PYCR3: variants seen among roughly 807,000 people sequenced by gnomAD.
The protein encoded by PYCR3 is pyrroline-5-carboxylate reductase 3.
Under a neutral mutation model 23.4 loss-of-function variants are expected in PYCR3, and 26 were observed. The ratio of observed to expected loss-of-function variants is 1.11; its 90% CI spans 0.81 to 1.54. The LOEUF is 1.54. Ranked by LOEUF, PYCR3 falls within the 40% of genes most tolerant of loss-of-function variation. The probability of loss-of-function intolerance (pLI) is 0.00; values close to 1 mark genes in which losing one functional copy is unlikely to be tolerated. For synonymous variants in PYCR3, 194 were observed against 162.6 expected (o/e 1.19, Z -1.47); for missense variants, 360 against 376.3 (o/e 0.96, Z 0.36).
rs1829488452 is a variant in PYCR3 at position 143,609,510 on chromosome 8, G to A, written c.39C>T (p.Phe13=). 6.6e-7 allele frequency: 1 copy of A among 1,516,490 alleles called. No homozygotes were observed. The highest frequency in any genetic ancestry group is 2.7e-5 in the East Asian group (1 of 37,506). The allele number at this position is 1,516,490 out of a possible 1,614,324, so 93.9% of individuals were successfully genotyped here. ...CCCCCGCCATGCGGCCCGCGCCCACGAAGCCCACGCGCCGCGGAGACGGCT... is the reference window on the plus strand; with the variant it reads ...CCCCCGCCATGCGGCCCGCGCCCACAAAGCCCACGCGCCGCGGAGACGGCT... ...AAEPSPRRVG[F]VGAGRMAGAI... is the part of the protein sequence containing the mutation. Residue 13 remains phenylalanine, a synonymous_variant, in exon 1 of 6, where the codon TTC becomes TTT. Transcript: ENST00000495276.
At chr8:143,606,891 C>T (rs1025697611) in intron 3 of PYCR3, 62 bp downstream of exon 3, 33 of 1,502,740 alleles carry the variant, frequency 2.2e-5, no homozygotes, top group Admixed American at 8.6e-5. Context: ...GGCTGCCTGC[C>T]GCCCAAGCCT....
intron 4 of PYCR3, 36 bp downstream of exon 4, chr8:143,606,431 G>A (rs546209996): frequency 1.1e-5 from 18 of 1,603,174 alleles, no homozygotes; most frequent in Middle Eastern, 2.0e-4. Flanking sequence ...CCTCTTTGCC[G>A]AGGGTGGGGC....
intron 2 of PYCR3, 85 bp downstream of exon 2, chr8:143,607,977 G>T: frequency 9.6e-7 from 1 of 1,036,740 alleles, no homozygotes. Flanking sequence ...ACCCATCCCT[G>T]GCTCTGATAA....
chr8:143,607,000 T>C lies in PYCR3; in HGVS notation c.289A>G (p.Ile97Val), dbSNP rs1371875378. ...EVAPVVTTEHILVSVAAGVSL... is the reference protein window; with the variant it reads ...EVAPVVTTEHVLVSVAAGVSL... Reference sequence around the variant, plus strand: ...ACCCCAGCAGCCACGGACACCAAGATGTGTTCAGTGGTGACCACAGGAGCC... The same window carrying C: ...ACCCCAGCAGCCACGGACACCAAGACGTGTTCAGTGGTGACCACAGGAGCC... Residue 97 changes from isoleucine to valine, a missense_variant, in exon 3 of 6, where the codon ATC becomes GTC. Physicochemically the swap from Ile to Val is conservative, Grantham distance 29 (BLOSUM62 3). Coordinates refer to ENST00000495276, the MANE Select transcript of PYCR3 (RefSeq NM_023078.6). 3.1e-6 allele frequency: 5 copies of C among 1,612,098 alleles called. No individual in the cohort carries two copies. Among genetic ancestry groups the C allele is most frequent in the Non-Finnish European group, 4.2e-6 (5 of 1,179,042 alleles).
At chr8:143,608,851 T>G in intron 1 of PYCR3, 1 of 456,694 alleles carries the variant, frequency 2.2e-6, no homozygotes, top group Middle Eastern at 3.3e-4. Flanking sequence ...CGATTGATCT[T>G]GACTCTTCTG....
chr8:143,606,929 G>T (rs1829417362), intron 3 of PYCR3, 24 bp downstream of exon 3: 1 of 1,568,982 alleles, frequency 6.4e-7, no homozygotes, highest in South Asian at 1.2e-5. Flanking sequence ...CTGGGACCAA[G>T]GCCTTAGCCC....
Position 143,606,531 on chromosome 8 carries a change from C to T in PYCR3, c.485G>A (p.Cys162Tyr), listed in dbSNP as rs760409256. 1.2e-6 allele frequency: 2 copies of T among 1,612,988 alleles called. No homozygotes were observed. Among genetic ancestry groups the T allele is most frequent in the Non-Finnish European group, 1.7e-6 (2 of 1,180,020 alleles). ...LQHLLEACGR[C>Y]EEVPEAYVDI... ...GACGTAGGCTTCAGGCACCTCCTCA[C>T]ACCGCCCACAGGCCTCCAGCAGATG... is the stretch of plus-strand genomic sequence containing the variant. The change falls in exon 4 of 6, where the codon TGT becomes TAT. Residue 162 changes from cysteine (C) to tyrosine (Y), a missense_variant. Cys to Tyr is a radical substitution (Grantham distance 194). Transcript: ENST00000495276.
In PYCR3 at chr8:143,609,559, C is replaced by A; in HGVS notation, c.-11G>T. ...CTCCGCAGCTGCCATCTTGTTGCCT[C>A]GGACGCCGCTGCGCTCACCGCCCAT... On this transcript the variant is annotated 5_prime_UTR_variant, in exon 1 of 6. Transcript: ENST00000495276. The A allele has an allele frequency of 1.3e-6, 2 of 1,499,002 alleles. No individual in the cohort carries two copies. Among genetic ancestry groups the A allele is most frequent in the Non-Finnish European group, 1.8e-6 (2 of 1,131,786 alleles). The allele number at this position is 1,499,002 out of a possible 1,614,324, so 92.9% of individuals were successfully genotyped here. A position where few individuals can be genotyped will look rare whatever the true frequency, so the allele number is the denominator to read the frequency against.
intron 2 of PYCR3, among the ~76,000 whole-genome samples, 200 bp from the exon 3 acceptor site, chr8:143,607,332 A>G (rs942341699): frequency 5.3e-5 from 8 of 152,080 alleles, no homozygotes; most frequent in Admixed American, 5.2e-4. Context: ...TCCTGATGTC[A>G]GCGCCTCCCC....
In PYCR3 at chr8:143,606,683, G is replaced by A. The variant is rs764742189; in HGVS notation, c.337-4C>T. Reference sequence around the variant, plus strand: ...CCCGTGTGTTTGGGGGCAGCAGCTGGCCAGAGAGAGGTCAGAATCAGGGAG... The same window carrying A: ...CCCGTGTGTTTGGGGGCAGCAGCTGACCAGAGAGAGGTCAGAATCAGGGAG... On this transcript the variant is annotated splice_region_variant and splice_polypyrimidine_tract_variant and intron_variant, in intron 3 of 5. Coordinates refer to ENST00000495276, the MANE Select transcript of PYCR3 (RefSeq NM_023078.6). 2 of 1,579,096 alleles carry A rather than the reference G, an allele frequency of 1.3e-6. No individual in the cohort carries two copies. Among genetic ancestry groups the A allele is most frequent in the South Asian group, 2.3e-5 (2 of 87,638 alleles).
chr8:143,605,641 G>A lies in PYCR3; in HGVS notation c.*59C>T, dbSNP rs1376107003. On this transcript the variant is annotated 3_prime_UTR_variant, in exon 6 of 6. Coordinates refer to ENST00000495276, the MANE Select transcript of PYCR3 (RefSeq NM_023078.6). ...GAGGGAGGGAGCCGCAGTCCTCAGG[G>A]GAAGGGACACAGGGAGAGGCAGGGG... 3.4e-6 allele frequency: 5 copies of A among 1,485,698 alleles called. No homozygotes were observed. In the African/African-American group the frequency reaches 6.9e-5, roughly 21 times the overall value. 92.0% of individuals were successfully genotyped at this position (1,485,698 alleles called of 1,614,324 possible).
rs112728801 is a variant in PYCR3 at position 143,604,574 on chromosome 8, C to A, written c.*1126G>T. 1.0e-2 allele frequency: 3,063 copies of A among 307,782 alleles called. 76 individuals are homozygous for A. Among genetic ancestry groups the A allele is most frequent in the African/African-American group, 0.065 (2,909 of 44,592 alleles). The allele number at this position is 307,782 out of a possible 1,614,324, so 19.1% of individuals were successfully genotyped here. On this transcript the variant is annotated 3_prime_UTR_variant, in exon 6 of 6. Transcript: ENST00000495276. The stretch of plus-strand genomic sequence containing the variant: ...TCGCTGAGGGCATGCTCCCGCCTCA[C>A]CTCCAGAGGCTGTTGGGCGGAAGCC...
rs1218400980 is a variant in PYCR3, at chr8:143,605,428, C to A, written c.*272G>T. On this transcript the variant is annotated 3_prime_UTR_variant, in exon 6 of 6. Transcript: ENST00000495276. ...ACGCCATCTCTTGGGCCCCTCAGAA[C>A]CAATGTTGCAGCAAGGTGGGCTCAC... 7.9e-6 allele frequency: 4 copies of A among 506,346 alleles called. No homozygotes were observed. The Admixed American group carries it at 1.0e-4, about 13-fold the overall frequency. The allele number at this position is 506,346 out of a possible 1,614,324, so 31.4% of individuals were successfully genotyped here.
intron 4 of PYCR3, 47 bp from the exon 5 acceptor site, chr8:143,606,201 G>C: frequency 6.5e-7 from 1 of 1,535,200 alleles, no homozygotes; most frequent in Non-Finnish European, 8.9e-7. Flanking sequence ...TCAAAGCCTG[G>C]GGGCTCAGGA....
Position 143,605,418 on chromosome 8 carries a change from C to A in PYCR3, c.*282G>T. 1 of 484,638 alleles carries A rather than the reference C, an allele frequency of 2.1e-6. No homozygotes were observed. The highest frequency in any genetic ancestry group is 3.6e-5 in the South Asian group (1 of 27,400). The allele number at this position is 484,638 out of a possible 1,614,324, so 30.0% of individuals were successfully genotyped here. A position where few individuals can be genotyped will look rare whatever the true frequency, so the allele number is the denominator to read the frequency against. On this transcript the variant is annotated 3_prime_UTR_variant, in exon 6 of 6. Transcript: ENST00000495276. ...AATGACCAAGACGCCATCTCTTGGGCCCCTCAGAACCAATGTTGCAGCAAG... is the reference window on the plus strand; with the variant it reads ...AATGACCAAGACGCCATCTCTTGGGACCCTCAGAACCAATGTTGCAGCAAG...
At chr8:143,608,222 ACGCCTGGCCCATCCTGGGCCCC>A (rs1829455639) in intron 1 of PYCR3, 96 bp from the exon 2 acceptor site, 1 of 980,112 alleles carries the variant, frequency 1.0e-6, no homozygotes, top group South Asian at 1.4e-5. Flanking sequence ...AGGCTCAGCC[ACGCCTGGCCCATCCTGGGCCCC>A]CTCCTGGCCC....
chr8:143,608,995 C>T (rs1280601822), intron 1 of PYCR3: 2 of 431,306 alleles, frequency 4.6e-6, no homozygotes, highest in Non-Finnish European at 9.5e-6. Flanking sequence ...AGCAGTGTTT[C>T]TCAACAGGGG....
At chr8:143,607,258 T>A (rs979313964) in intron 2 of PYCR3, 126 bp from the exon 3 acceptor site, 14 of 915,892 alleles carry the variant, frequency 1.5e-5, no homozygotes, top group Non-Finnish European at 2.2e-5. Flanking sequence ...TGCAAGTGTC[T>A]AGACCACCCC....
chr8:143,607,116 G>T lies in PYCR3; in HGVS notation c.173C>A (p.Thr58Asn). 6.3e-7 allele frequency: 1 copy of T among 1,590,780 alleles called. No homozygotes were observed. Among genetic ancestry groups the T allele is most frequent in the Non-Finnish European group, 8.6e-7 (1 of 1,168,910 alleles). ...LCHFQALGCRTTHSNQEVLQS... is the reference protein window; with the variant it reads ...LCHFQALGCRNTHSNQEVLQS... ...CAGCACCTCCTGGTTGGAGTGCGTG[G>T]TCCGGCAACCCAGAGCCTGCGCCAG... is the stretch of plus-strand genomic sequence containing the variant. The change falls in exon 3 of 6, where the codon ACC becomes AAC. Residue 58 changes from threonine (T) to asparagine (N), a missense_variant. Coordinates refer to ENST00000495276, the MANE Select transcript of PYCR3 (RefSeq NM_023078.6).
Sources: allele counts gnomAD v4.1 joint callset (sites outside exome capture counted in the v4.1 genomes callset), GRCh38; gene constraint gnomAD v4.1.1; transcripts MANE v1.5; gene names NCBI Gene and HGNC (gene_info 2026-07-23, HGNC 2026-07-21).